Variants in PEBP4 observed in about 807,000 individuals in gnomAD.
PEBP4 encodes the protein phosphatidylethanolamine binding protein 4.
In PEBP4, 22 loss-of-function variants were observed where a neutral mutation model predicts 23.9. The ratio of observed to expected loss-of-function variants is 0.92; its 90% CI spans 0.66 to 1.31. The LOEUF is 1.31. PEBP4 is among the 40% of genes most tolerant of loss of function. The pLI is 0.00. For synonymous variants in PEBP4, 112 were observed against 99.3 expected (o/e 1.13, Z -0.76); for missense variants, 324 against 281.7 (o/e 1.15, Z -1.07).
chr8:22,811,068 ACTCTCTCTTTCTTTCT>A (rs1192392809), intron 4 of PEBP4, among the ~76,000 whole-genome samples: 1 of 151,256 alleles, frequency 6.6e-6, no homozygotes, highest in East Asian at 1.9e-4. Flanking sequence ...TCATATCCGC[ACTCTCTCTTTCTTTCT>A]CTCTCTCTCT....
chr8:22,895,542 G>A (rs1422103089), intron 3 of PEBP4: 1 of 152,102 alleles, frequency 6.6e-6, no homozygotes, highest in Non-Finnish European at 1.5e-5. Flanking sequence ...TTCTGATTAA[G>A]GTTCTCTGAG....
chr8:22,731,372 T>G (rs1804728112), intron 4 of PEBP4, among the ~76,000 whole-genome samples: 1 of 152,216 alleles, frequency 6.6e-6, no homozygotes. Context: ...CACTTCCACT[T>G]AACAAATAGG....
chr8:22,843,870 G>A (rs1039942879), intron 3 of PEBP4, among the ~76,000 whole-genome samples: 3 of 152,142 alleles, frequency 2.0e-5, no homozygotes, highest in Non-Finnish European at 4.4e-5. Context: ...ATGCCCCTCC[G>A]CTCCTCTCAT....
chr8:22,851,451 C>G (rs1289572498), intron 3 of PEBP4, among the ~76,000 whole-genome samples: 1 of 152,156 alleles, frequency 6.6e-6, no homozygotes, highest in East Asian at 1.9e-4. Flanking sequence ...GATTTTGGAA[C>G]TAGATGATGA....
In PEBP4 at chr8:22,927,640, A is replaced by T. The variant is rs762621694; in HGVS notation, c.75T>A (p.Asp25Glu). The T allele has an allele frequency of 1.2e-6, 2 of 1,613,820 alleles. No individual in the cohort carries two copies. Among genetic ancestry groups the T allele is most frequent in the Admixed American group, 1.7e-5 (1 of 59,978 alleles). Reference protein sequence around the residue: ...GLMMVVTGDEDENSPCAHEAL... With the variant: ...GLMMVVTGDEEENSPCAHEAL... ...CCTCATGGGCACACGGGCTGTTCTC[A>T]TCCTCGTCTCCAGTGACCACCATCA... Residue 25 changes from aspartate (D) to glutamate (E), a missense_variant, in exon 2 of 7, where the codon GAT (aspartate) becomes GAA (glutamate). Coordinates refer to ENST00000256404, the MANE Select transcript of PEBP4 (RefSeq NM_144962.3).
chr8:22,851,797 G>A (rs1022526859), intron 3 of PEBP4, among the ~76,000 whole-genome samples: 12 of 152,084 alleles, frequency 7.9e-5, no homozygotes, highest in South Asian at 4.1e-4. Context: ...ATTGAATCTC[G>A]GTGCAAAGAG....
intron 3 of PEBP4, among the ~76,000 whole-genome samples, chr8:22,854,584 G>C (rs913002443): frequency 2.0e-5 from 3 of 152,142 alleles, no homozygotes; most frequent in Non-Finnish European, 4.4e-5. Flanking sequence ...CAATGAGGGA[G>C]CAAAGGAGTT....
intron 3 of PEBP4, chr8:22,888,166 T>C (rs960004843): frequency 1.3e-5 from 2 of 151,418 alleles, no homozygotes; most frequent in East Asian, 1.9e-4. Context: ...TTTTTTTTTT[T>C]TTTTTTTGAG....
chr8:22,756,813 A>G (rs1212964238), intron 4 of PEBP4, among the ~76,000 whole-genome samples: 1 of 151,746 alleles, frequency 6.6e-6, no homozygotes, highest in Non-Finnish European at 1.5e-5. Flanking sequence ...AAACTCCACC[A>G]TTTACCAGGG....
In PEBP4 at chr8:22,831,891, G is replaced by A. The variant is rs187549610; in HGVS notation, c.259-14156C>T. On this transcript the variant is annotated intron_variant, in intron 3 of 6. Coordinates refer to ENST00000256404, the MANE Select transcript of PEBP4 (RefSeq NM_144962.3). ...CAAGAGGTGAAGTGGAGTGGCAGTG[G>A]ATGAGCCCAGCAAGATTGATGAGGG... Among the ~76,000 whole-genome samples, 94 of 152,050 alleles carry A rather than the reference G, an allele frequency of 6.2e-4. 1 individual carries two copies. Among genetic ancestry groups the A allele is most frequent in the African/African-American group, 2.2e-3 (92 of 41,502 alleles).
chr8:22,731,323 A>C (rs1480444633), intron 4 of PEBP4, among the ~76,000 whole-genome samples: 1 of 152,126 alleles, frequency 6.6e-6, no homozygotes, highest in African/African-American at 2.4e-5. Context: ...CAGCCCATTC[A>C]ATGTGAAGAT....
intron 3 of PEBP4, among the ~76,000 whole-genome samples, chr8:22,873,181 T>A (rs1243207586): frequency 6.6e-6 from 1 of 152,232 alleles, no homozygotes; most frequent in Non-Finnish European, 1.5e-5. Context: ...AGACTGCACC[T>A]GCATTGGTCT....
chr8:22,862,329 G>A (rs1807793711), intron 3 of PEBP4, among the ~76,000 whole-genome samples: 1 of 152,070 alleles, frequency 6.6e-6, no homozygotes, highest in Non-Finnish European at 1.5e-5. Flanking sequence ...TTACCTACAG[G>A]AGTATCTCGT....
chr8:22,748,962 C>T (rs1325868585), intron 4 of PEBP4, among the ~76,000 whole-genome samples: 1 of 152,080 alleles, frequency 6.6e-6, no homozygotes, highest in African/African-American at 2.4e-5. Context: ...ATGCTTTTTG[C>T]TCTGTGTACC....
At chr8:22,730,234 C>A (rs1804703156) in intron 4 of PEBP4, among the ~76,000 whole-genome samples, 1 of 152,172 alleles carries the variant, frequency 6.6e-6, no homozygotes, top group Admixed American at 6.5e-5. Flanking sequence ...GATTTTAGCT[C>A]TTCTAAAATA....
At chr8:22,924,855 T>C in intron 2 of PEBP4, 1 of 985,420 alleles carries the variant, frequency 1.0e-6, no homozygotes. Flanking sequence ...AGGGAAGGTC[T>C]GATTCCCGAG....
rs1809371270 is a variant in PEBP4 at position 22,927,570 on chromosome 8, C to T, written c.131+14G>A. ...GCCTCTGTGCCTCCCGCCTCCAAGCCTGCCCTGACTTACTGGCAAAAGAGG... is the reference window on the plus strand; with the variant it reads ...GCCTCTGTGCCTCCCGCCTCCAAGCTTGCCCTGACTTACTGGCAAAAGAGG... On this transcript the variant is annotated intron_variant, in intron 2 of 6. Coordinates refer to ENST00000256404, the MANE Select transcript of PEBP4 (RefSeq NM_144962.3). The T allele has an allele frequency of 3.1e-6, 5 of 1,606,136 alleles. No homozygotes were observed. The highest frequency in any genetic ancestry group is 4.3e-6 in the Non-Finnish European group (5 of 1,175,712).
chr8:22,863,169 T>C (rs1303632454), intron 3 of PEBP4, among the ~76,000 whole-genome samples: 3 of 152,082 alleles, frequency 2.0e-5, no homozygotes, highest in Non-Finnish European at 4.4e-5. Context: ...GCTGTGGAAA[T>C]GTCCAGGCAC....
intron 4 of PEBP4, among the ~76,000 whole-genome samples, chr8:22,786,503 C>T (rs1465838964): frequency 1.3e-5 from 2 of 151,572 alleles, no homozygotes; most frequent in Non-Finnish European, 2.9e-5. Context: ...AGGCTGGTCT[C>T]GAGCTCCTAG....
Sources: allele counts gnomAD v4.1 joint callset (sites outside exome capture counted in the v4.1 genomes callset), GRCh38; gene constraint gnomAD v4.1.1; transcripts MANE v1.5; gene names NCBI Gene and HGNC (gene_info 2026-07-23, HGNC 2026-07-21).